RBFOX1: variants seen among roughly 807,000 people sequenced by gnomAD.
RBFOX1 encodes RNA binding protein fox-1 homolog 1.
A neutral mutation model predicts 57.7 loss-of-function variants in RBFOX1; 8 were observed. The ratio of observed to expected loss-of-function variants is 0.14; its 90% CI spans 0.08 to 0.25. The LOEUF is 0.25. Among genes scored for constraint, RBFOX1 ranks in the 10% least tolerant of loss-of-function variants. The pLI is 1.00. For missense variants in RBFOX1, 611 were observed against 548.5 expected (o/e 1.11, Z -1.14); for synonymous variants, 326 against 222.4 (o/e 1.47, Z -4.15).
At chr16:7,101,041 A>C (rs1483223684) in intron 4 of RBFOX1, among the ~76,000 whole-genome samples, 1 of 152,240 alleles carries the variant, frequency 6.6e-6, no homozygotes, top group Non-Finnish European at 1.5e-5. Flanking sequence ...GTACAAAGTT[A>C]CCTATATACA....
intron 1 of RBFOX1, among the ~76,000 whole-genome samples, chr16:6,268,559 G>T (rs889828215): frequency 1.3e-5 from 2 of 152,072 alleles, no homozygotes; most frequent in African/African-American, 2.4e-5. Flanking sequence ...ATTCTCAAGG[G>T]TTTACTCTAG....
chr16:5,731,557 G>C (rs970782523), intron 3 of RBFOX1, among the ~76,000 whole-genome samples: 1 of 152,120 alleles, frequency 6.6e-6, no homozygotes, highest in Admixed American at 6.5e-5. Context: ...AGGGGTAGAG[G>C]GGCTCTCTTG....
At chr16:5,851,462 G>T (rs760874320) in intron 3 of RBFOX1, among the ~76,000 whole-genome samples, 5 of 152,104 alleles carry the variant, frequency 3.3e-5, no homozygotes, top group Admixed American at 6.5e-5. Context: ...TCTCTGCACT[G>T]CCAGGGACGG....
intron 3 of RBFOX1, among the ~76,000 whole-genome samples, chr16:6,939,342 T>C (rs1490659764): frequency 2.6e-5 from 4 of 152,002 alleles, no homozygotes; most frequent in Non-Finnish European, 4.4e-5. Flanking sequence ...ACAAATAATA[T>C]ATAAATTGGT....
intron 4 of RBFOX1, among the ~76,000 whole-genome samples, chr16:7,383,869 A>T (rs1298424504): frequency 3.3e-5 from 5 of 152,112 alleles, no homozygotes; most frequent in Non-Finnish European, 7.3e-5. Flanking sequence ...ATCCTGGCTA[A>T]CATGGTGAAA....
intron 4 of RBFOX1, among the ~76,000 whole-genome samples, chr16:7,305,329 T>C (rs942768642): frequency 6.6e-6 from 1 of 152,120 alleles, no homozygotes; most frequent in Non-Finnish European, 1.5e-5. Flanking sequence ...CTGAGTTGGT[T>C]CCTGGGCTTG....
intron 4 of RBFOX1, among the ~76,000 whole-genome samples, chr16:7,459,635 C>T (rs931186054): frequency 3.3e-5 from 5 of 152,172 alleles, no homozygotes; most frequent in Admixed American, 2.6e-4. Flanking sequence ...TTAAAATATT[C>T]TACTATGCTG....
chr16:6,842,707 G>A lies in RBFOX1; in HGVS notation c.-16+188057G>A, dbSNP rs143799901. ...CTGGGATACATGTGTAGAATGTGCAGGTTTGTTACATAGGTATACATGTGC... is the reference window on the plus strand; with the variant it reads ...CTGGGATACATGTGTAGAATGTGCAAGTTTGTTACATAGGTATACATGTGC... On this transcript the variant is annotated intron_variant, in intron 3 of 15. Coordinates refer to ENST00000550418, the MANE Select transcript of RBFOX1 (RefSeq NM_018723.4). Among the ~76,000 whole-genome samples, 1,016 of 150,136 alleles carry A rather than the reference G, an allele frequency of 6.8e-3. 18 individuals carry two copies. Among genetic ancestry groups the A allele is most frequent in the African/African-American group, 0.023 (937 of 40,626 alleles).
chr16:5,981,320 C>T (rs1341174492), intron 4 of RBFOX1, among the ~76,000 whole-genome samples: 1 of 152,090 alleles, frequency 6.6e-6, no homozygotes, highest in Non-Finnish European at 1.5e-5. Flanking sequence ...AGCCCTAGCC[C>T]CTGGGGACAC....
At chr16:6,993,255 C>G (rs149611287) in intron 3 of RBFOX1, among the ~76,000 whole-genome samples, 206 of 152,294 alleles carry the variant, frequency 1.4e-3, no homozygotes, top group African/African-American at 4.7e-3. Flanking sequence ...CCTGCACACA[C>G]CTTCCTGGGA....
intron 3 of RBFOX1, among the ~76,000 whole-genome samples, chr16:6,947,131 C>G (rs909441111): frequency 6.6e-6 from 1 of 152,136 alleles, no homozygotes; most frequent in African/African-American, 2.4e-5. Context: ...ACTCTTAGCA[C>G]ATAACCTGGC....
At chr16:5,758,033 C>A (rs74006256) in intron 3 of RBFOX1, among the ~76,000 whole-genome samples, 1 of 152,118 alleles carries the variant, frequency 6.6e-6, no homozygotes, top group Admixed American at 6.5e-5. Context: ...CTGGAACTTG[C>A]AGCAACCTGG....
intron 2 of RBFOX1, among the ~76,000 whole-genome samples, chr16:6,390,582 CAGAT>C (rs1225848987): frequency 2.0e-5 from 3 of 151,652 alleles, no homozygotes; most frequent in Non-Finnish European, 4.4e-5. Flanking sequence ...AGAAACATAT[CAGAT>C]AGTTATGATT....
intron 1 of RBFOX1, among the ~76,000 whole-genome samples, chr16:5,462,212 A>G (rs982257111): frequency 2.3e-5 from 3 of 129,558 alleles, no homozygotes; most frequent in African/African-American, 9.2e-5. Flanking sequence ...TCTGTCACCC[A>G]GGCTGGAGTG....
At chr16:6,859,041 C>T (rs979795580) in intron 3 of RBFOX1, among the ~76,000 whole-genome samples, 19 of 148,818 alleles carry the variant, frequency 1.3e-4, no homozygotes, top group Non-Finnish European at 2.4e-4. Flanking sequence ...AGTGCCAGGA[C>T]TGAGGCTGGA....
At chr16:7,315,472 TGG>T (rs1443516976) in intron 4 of RBFOX1, among the ~76,000 whole-genome samples, 2 of 139,710 alleles carry the variant, frequency 1.4e-5, no homozygotes, top group African/African-American at 2.5e-5. Flanking sequence ...CCCCCCATAC[TGG>T]GGGCTTGAAT....
intron 3 of RBFOX1, among the ~76,000 whole-genome samples, chr16:6,744,804 C>G (rs1045761033): frequency 6.6e-6 from 1 of 151,748 alleles, no homozygotes; most frequent in East Asian, 1.9e-4. Flanking sequence ...AGAAGGTGAA[C>G]TAAATTAAGT....
At position 5,693,390 on chromosome 16, in the gene RBFOX1, A is replaced by G. The variant is rs149206689; in HGVS notation, c.318+94429A>G. Among the ~76,000 whole-genome samples, 581 of 152,062 alleles carry G rather than the reference A, an allele frequency of 3.8e-3. 4 individuals carry two copies. Among genetic ancestry groups the G allele is most frequent in the African/African-American group, 0.013 (540 of 41,540 alleles). ...ATCAAAAAAAAAACAAAAACAAAATATCTGAAACTCTGAATCAAAACACTG... is the reference window on the plus strand; with the variant it reads ...ATCAAAAAAAAAACAAAAACAAAATGTCTGAAACTCTGAATCAAAACACTG... On this transcript the variant is annotated intron_variant, in intron 3 of 19. Transcript: ENST00000641259.
At chr16:5,630,938 C>G (rs2048487410) in intron 3 of RBFOX1, among the ~76,000 whole-genome samples, 1 of 152,064 alleles carries the variant, frequency 6.6e-6, no homozygotes, top group Non-Finnish European at 1.5e-5. Flanking sequence ...CCATCTATTC[C>G]AAAACAGCTG....
Sources: allele counts gnomAD v4.1 joint callset (sites outside exome capture counted in the v4.1 genomes callset), GRCh38; gene constraint gnomAD v4.1.1; transcripts MANE v1.5; gene names NCBI Gene and HGNC (gene_info 2026-07-23, HGNC 2026-07-21).